PKD1L3: variants seen among roughly 807,000 people sequenced by gnomAD.
PKD1L3 encodes polycystin 1 like 3, transient receptor potential channel interacting, also known as polycystin-1-like protein 3.
In PKD1L3, 239 loss-of-function variants were observed where a neutral mutation model predicts 184.1. The ratio of observed to expected loss-of-function variants is 1.30; its 90% CI spans 1.17 to 1.45. The LOEUF is 1.45. Ranked by LOEUF, PKD1L3 falls within the 40% of genes most tolerant of loss-of-function variation. PKD1L3 has a pLI of 0.00. For missense variants in PKD1L3, 2,660 were observed against 2,067.2 expected (o/e 1.29, Z -5.56); for synonymous variants, 996 against 778.8 (o/e 1.28, Z -4.64).
chr16:71,996,748 CTGTG>C (rs138672596), intron 2 of PKD1L3, among the ~76,000 whole-genome samples: 4,821 of 152,208 alleles, frequency 0.032, 112 homozygotes, highest in Non-Finnish European at 0.046. Context: ...CTGGAGATTG[CTGTG>C]TGTATCAATA....
chr16:71,944,742 G>C (rs12926041), intron 22 of PKD1L3, among the ~76,000 whole-genome samples: 103,889 of 143,944 alleles, frequency 0.72, 38,254 homozygotes, highest in East Asian at 0.98. Flanking sequence ...CTTCGTTGTC[G>C]AGGCTGGAGT....
At chr16:71,934,191 G>A (rs761955560) in intron 26 of PKD1L3, 66 bp from the exon 27 acceptor site, 6 of 1,431,672 alleles carry the variant, frequency 4.2e-6, no homozygotes, top group East Asian at 2.5e-5. Context: ...TTTCCCCAGC[G>A]CCCCTGCTGC....
intron 11 of PKD1L3, among the ~76,000 whole-genome samples, chr16:71,975,535 A>G (rs1377323794): frequency 2.0e-5 from 3 of 152,184 alleles, no homozygotes; most frequent in Admixed American, 6.6e-5. Context: ...AGTCATCTAC[A>G]ATATATAAAT....
Position 71,951,538 on chromosome 16 carries a change from C to T in PKD1L3, c.3190+26G>A, listed in dbSNP as rs78446526. On this transcript the variant is annotated intron_variant, in intron 19 of 29. Coordinates refer to ENST00000620267, the MANE Select transcript of PKD1L3 (RefSeq NM_181536.2). ...GGGAGTGGGAGGCAGATGGAAGATT[C>T]GTTACTGAAATCTACTGAAGTTTAC... 791 of 1,531,852 alleles carry T rather than the reference C, an allele frequency of 5.2e-4. 8 individuals are homozygous for T. In the East Asian group the frequency reaches 0.014, roughly 27 times the overall value. 94.9% of individuals were successfully genotyped at this position (1,531,852 alleles called of 1,614,324 possible).
chr16:71,998,161 C>T (rs1440049576), intron 2 of PKD1L3, 111 bp downstream of exon 2: 1 of 1,396,248 alleles, frequency 7.2e-7, no homozygotes, highest in Non-Finnish European at 9.8e-7. Flanking sequence ...CCTGTATCAT[C>T]CCATGGTCTA....
rs1459458595 is a variant in PKD1L3 at position 71,942,583 on chromosome 16, T to C, written c.4301A>G (p.Asn1434Ser). The C allele has an allele frequency of 6.4e-7, 1 of 1,551,596 alleles. No individual in the cohort carries two copies. Among genetic ancestry groups the C allele is most frequent in the East Asian group, 2.4e-5 (1 of 40,916 alleles). Residue 1434 changes from asparagine to serine, a missense_variant, in exon 24 of 30, where the codon AAT (asparagine) becomes AGT (serine). Transcript: ENST00000620267. ...LHERLTSKNE[N>S]GFSYIMRGAF... ...ACCTCTCATGATGTAACTGAATCCATTCTCATTCTTGCTTGTCAGCCTTTC... is the reference window on the plus strand; with the variant it reads ...ACCTCTCATGATGTAACTGAATCCACTCTCATTCTTGCTTGTCAGCCTTTC...
chr16:71,951,640 T>C lies in PKD1L3; in HGVS notation c.3114A>G (p.Lys1038=). The C allele has an allele frequency of 6.4e-7, 1 of 1,551,712 alleles. No homozygotes were observed. Among genetic ancestry groups the C allele is most frequent in the Non-Finnish European group, 8.7e-7 (1 of 1,147,000 alleles). ...WSSWDITKLV[K]LLSSLVSSHL... ...GAGATGATACGAGGCTGGATAAAAG[T>C]TTCACCAGCTTAGTAATGTCCCAAG... Residue 1038 remains lysine (K), a synonymous_variant, in exon 19 of 30, where the codon AAA becomes AAG. Transcript: ENST00000620267.
intron 6 of PKD1L3, among the ~76,000 whole-genome samples, chr16:71,982,585 T>C (rs1426135014): frequency 6.6e-6 from 1 of 150,976 alleles, no homozygotes; most frequent in African/African-American, 2.4e-5. Flanking sequence ...ACGCCCAGCC[T>C]ATGATTGCTT....
At chr16:71,980,232 G>C (rs2040097275) in intron 7 of PKD1L3, 98 bp from the exon 8 acceptor site, 2 of 1,406,026 alleles carry the variant, frequency 1.4e-6, no homozygotes, top group Non-Finnish European at 1.9e-6. Flanking sequence ...AATTTTCACA[G>C]TGTTGTAATG....
rs2038222577 is a variant in PKD1L3, at chr16:71,937,532, G to A, written c.4325-113C>T. The A allele has an allele frequency of 2.6e-6, 3 of 1,166,974 alleles. No individual in the cohort carries two copies. The South Asian group carries it at 4.7e-5, about 18-fold the overall frequency. 72.3% of individuals were successfully genotyped at this position (1,166,974 alleles called of 1,614,324 possible). A position where few individuals can be genotyped will look rare whatever the true frequency, so the allele number is the denominator to read the frequency against. On this transcript the variant is annotated intron_variant, in intron 24 of 29. Transcript: ENST00000620267. ...TTCCTGTATCATCAAATGTTTCTGA[G>A]TCTCAGTGCTCCACTTAGTATTTCC...
At chr16:71,955,903 C>T (rs1445346236) in intron 16 of PKD1L3, among the ~76,000 whole-genome samples, 1 of 152,180 alleles carries the variant, frequency 6.6e-6, no homozygotes, top group African/African-American at 2.4e-5. Context: ...TGTAAGTCTC[C>T]TGAGGCCTCC....
Position 71,982,059 on chromosome 16 carries a change from C to G in PKD1L3, c.1143G>C (p.Pro381=), listed in dbSNP as rs150292834. 6.5e-7 allele frequency: 1 copy of G among 1,540,940 alleles called. No individual in the cohort carries two copies. Among genetic ancestry groups the G allele is most frequent in the African/African-American group, 1.4e-5 (1 of 72,452 alleles). Residue 381 remains proline, a splice_region_variant and synonymous_variant, in exon 7 of 30, where the codon CCG becomes CCC. Transcript: ENST00000620267. The part of the protein sequence containing the change: ...SWLESKRHTE[P]VEDILEMSLV... ...GGCCACCTGCATATCTGGCACCTAC[C>G]GGCTCAGTATGACGCTTGGATTCCA... is the stretch of plus-strand genomic sequence containing the variant.
intron 22 of PKD1L3, 93 bp downstream of exon 22, chr16:71,947,399 C>T: frequency 1.2e-6 from 1 of 801,190 alleles, no homozygotes; most frequent in Non-Finnish European, 2.1e-6. Flanking sequence ...AGAGACAAGT[C>T]CTTTGAATGG....
At chr16:71,997,181 A>G (rs1019909782) in intron 2 of PKD1L3, among the ~76,000 whole-genome samples, 2 of 152,162 alleles carry the variant, frequency 1.3e-5, no homozygotes, top group African/African-American at 4.8e-5. Context: ...TTCTGTTATG[A>G]ATAAAGCTGC....
At chr16:71,980,953 G>T (rs551225329) in intron 7 of PKD1L3, among the ~76,000 whole-genome samples, 18 of 152,238 alleles carry the variant, frequency 1.2e-4, no homozygotes, top group Admixed American at 5.2e-4. Flanking sequence ...GCCTCTTTGG[G>T]ACATTTCATA....
chr16:71,990,533 G>C (rs572204497), intron 3 of PKD1L3, among the ~76,000 whole-genome samples: 10 of 152,290 alleles, frequency 6.6e-5, no homozygotes, highest in South Asian at 4.1e-4. Context: ...AGGAGTTTGA[G>C]ACCAGCCTGG....
rs908660039 is a variant in PKD1L3 at position 71,942,855 on chromosome 16, C to G, written c.4029G>C (p.Leu1343=). 2 of 1,551,674 alleles carry G rather than the reference C, an allele frequency of 1.3e-6. No homozygotes were observed. Among genetic ancestry groups the G allele is most frequent in the Middle Eastern group, 1.7e-4 (1 of 5,992 alleles). The part of the protein sequence containing the change: ...PWANHILLPS[L]YGDYRGKNAV... ...CATTCTTACCTCTGTAATCCCCATA[C>G]AGGCTAGGAAGAAGGATATGATTGG... Residue 1343 remains leucine, a synonymous_variant, in exon 24 of 30, where the codon CTG becomes CTC. Coordinates refer to ENST00000620267, the MANE Select transcript of PKD1L3 (RefSeq NM_181536.2).
rs74403841 is a variant in PKD1L3, at chr16:71,992,912, C to G, written c.535+304G>C. Among the ~76,000 whole-genome samples the G allele has an allele frequency of 1.1e-4, 16 of 152,272 alleles. No individual in the cohort carries two copies. In the East Asian group the frequency reaches 3.1e-3, roughly 29 times the overall value. ...TCAAAATTAAATAAACAAGTGATAA[C>G]ACCATAATTTGAAAGACTTTGCAAG... On this transcript the variant is annotated intron_variant, in intron 3 of 29. Transcript: ENST00000620267.
chr16:71,985,866 G>C (rs2040339500), intron 5 of PKD1L3, among the ~76,000 whole-genome samples: 1 of 152,164 alleles, frequency 6.6e-6, no homozygotes. Context: ...GAGCCTGGCT[G>C]CCTTGTCCAT....
Sources: allele counts gnomAD v4.1 joint callset (sites outside exome capture counted in the v4.1 genomes callset), GRCh38; gene constraint gnomAD v4.1.1; transcripts MANE v1.5; gene names NCBI Gene and HGNC (gene_info 2026-07-23, HGNC 2026-07-21).